RANBP9: variants seen among roughly 807,000 people sequenced by gnomAD.
RANBP9 encodes ran-binding protein 9.
In RANBP9, 15 loss-of-function variants were observed where a neutral mutation model predicts 84.3. The ratio of observed to expected loss-of-function variants is 0.18; its 90% CI spans 0.12 to 0.27. The LOEUF is 0.27. Among genes scored for constraint, RANBP9 ranks in the 10% least tolerant of loss-of-function variants. The probability of loss-of-function intolerance (pLI) is 1.00; values close to 1 mark genes in which losing one functional copy is unlikely to be tolerated. For missense variants in RANBP9, 809 were observed against 912.8 expected, an observed-to-expected ratio of 0.89 and a Z score of 1.46; for synonymous variants, 392 against 349.6, an observed-to-expected ratio of 1.12 and a Z score of -1.35.
chr6:13,651,636 G>C (rs762685078), intron 5 of RANBP9, among the ~76,000 whole-genome samples: 22 of 151,722 alleles, frequency 1.5e-4, no homozygotes, highest in Non-Finnish European at 2.6e-4. Flanking sequence ...TCCTGACCTC[G>C]TGATCCGCCC....
chr6:13,644,745 T>C lies in RANBP9; in HGVS notation c.928-16A>G. The C allele has an allele frequency of 6.5e-7, 1 of 1,542,426 alleles. No individual in the cohort carries two copies. Among genetic ancestry groups the C allele is most frequent in the Non-Finnish European group, 8.8e-7 (1 of 1,142,364 alleles). ...ACAAATTTGGCTGTAAGATAGCATA[T>C]TTCATTAAACATCTATCCATTTTAT... On this transcript the variant is annotated splice_polypyrimidine_tract_variant and intron_variant, in intron 5 of 13. Coordinates refer to ENST00000011619, the MANE Select transcript of RANBP9 (RefSeq NM_005493.3).
chr6:13,637,392 TCA>T (rs1764963843), intron 10 of RANBP9, among the ~76,000 whole-genome samples: 1 of 152,034 alleles, frequency 6.6e-6, no homozygotes, highest in African/African-American at 2.4e-5. Flanking sequence ...CAAAAAAAAC[TCA>T]CACACAGAGA....
At chr6:13,654,831 G>T (rs1765365048) in intron 4 of RANBP9, among the ~76,000 whole-genome samples, 2 of 152,148 alleles carry the variant, frequency 1.3e-5, no homozygotes, top group Admixed American at 1.3e-4. Flanking sequence ...GCTCATCAAT[G>T]GTTTACCAGT....
chr6:13,664,969 G>A (rs1037041687), intron 2 of RANBP9, among the ~76,000 whole-genome samples: 2 of 152,084 alleles, frequency 1.3e-5, no homozygotes, highest in African/African-American at 4.8e-5. Context: ...CACATTTATA[G>A]TCATTTAATA....
At chr6:13,681,273 G>A (rs76259737) in intron 2 of RANBP9, among the ~76,000 whole-genome samples, 1 of 152,122 alleles carries the variant, frequency 6.6e-6, no homozygotes, top group African/African-American at 2.4e-5. Flanking sequence ...TGGGAGGAGG[G>A]TTTGAGATAA....
chr6:13,627,412 T>C (rs1764638133), intron 12 of RANBP9, among the ~76,000 whole-genome samples: 1 of 151,970 alleles, frequency 6.6e-6, no homozygotes, highest in Non-Finnish European at 1.5e-5. Flanking sequence ...GGCAGATCAT[T>C]TGAGGCCAGG....
intron 1 of RANBP9, among the ~76,000 whole-genome samples, chr6:13,710,631 G>A (rs1385163619): frequency 6.6e-6 from 1 of 152,220 alleles, no homozygotes; most frequent in Non-Finnish European, 1.5e-5. Context: ...AGGGAAATCA[G>A]AAAGCCAGTT....
At chr6:13,627,430 G>A (rs999890475) in intron 12 of RANBP9, among the ~76,000 whole-genome samples, 10 of 151,976 alleles carry the variant, frequency 6.6e-5, no homozygotes, top group Non-Finnish European at 1.3e-4. Flanking sequence ...AGGAGTTCAA[G>A]ACCAACCTAG....
intron 1 of RANBP9, among the ~76,000 whole-genome samples, chr6:13,698,532 G>C (rs190432409): frequency 9.9e-5 from 15 of 152,218 alleles, no homozygotes; most frequent in Non-Finnish European, 1.8e-4. Context: ...TAAATCTATA[G>C]AAAACTATCT....
intron 9 of RANBP9, among the ~76,000 whole-genome samples, 168 bp from the exon 10 acceptor site, chr6:13,638,123 T>C (rs1052515645): frequency 6.6e-6 from 1 of 152,218 alleles, no homozygotes; most frequent in African/African-American, 2.4e-5. Flanking sequence ...TACTTAATTG[T>C]GAGATCTTAA....
chr6:13,689,745 TA>T (rs1230798684), intron 2 of RANBP9, among the ~76,000 whole-genome samples: 1 of 152,226 alleles, frequency 6.6e-6, no homozygotes, highest in East Asian at 1.9e-4. Flanking sequence ...ACTCATTTTG[TA>T]AGGTCTACCA....
chr6:13,684,130 C>G (rs1766111077), intron 2 of RANBP9, among the ~76,000 whole-genome samples: 1 of 152,194 alleles, frequency 6.6e-6, no homozygotes, highest in Non-Finnish European at 1.5e-5. Context: ...CTACCCACCT[C>G]TACTTAGTTA....
At chr6:13,695,641 G>A (rs1766428834) in intron 2 of RANBP9, among the ~76,000 whole-genome samples, 1 of 152,050 alleles carries the variant, frequency 6.6e-6, no homozygotes, top group African/African-American at 2.4e-5. Context: ...CTTGTAAAGT[G>A]AGAAATGGTG....
intron 2 of RANBP9, among the ~76,000 whole-genome samples, 180 bp from the exon 3 acceptor site, chr6:13,659,012 T>A (rs972606280): frequency 6.6e-6 from 1 of 152,054 alleles, no homozygotes; most frequent in African/African-American, 2.4e-5. Flanking sequence ...GTACCAGTAA[T>A]ACTCAGACTT....
At chr6:13,628,970 A>G (rs11962124) in intron 12 of RANBP9, among the ~76,000 whole-genome samples, 1 of 141,592 alleles carries the variant, frequency 7.1e-6, no homozygotes, top group East Asian at 2.4e-4. Context: ...ACTTCTAGAA[A>G]TTTATCTCAG....
chr6:13,685,874 T>C (rs1474824340), intron 2 of RANBP9, among the ~76,000 whole-genome samples: 1 of 148,264 alleles, frequency 6.7e-6, no homozygotes, highest in Non-Finnish European at 1.5e-5. Context: ...GAGATTGCAG[T>C]AAGCCGAAAT....
intron 1 of RANBP9, among the ~76,000 whole-genome samples, chr6:13,703,246 A>G (rs991060122): frequency 1.3e-5 from 2 of 152,076 alleles, no homozygotes; most frequent in Admixed American, 6.5e-5. Context: ...TGCTCCCTCT[A>G]GTCTTTCAAT....
chr6:13,705,028 A>G (rs759674834), intron 1 of RANBP9, among the ~76,000 whole-genome samples: 9 of 152,240 alleles, frequency 5.9e-5, no homozygotes, highest in Non-Finnish European at 1.3e-4. Context: ...CCTAGCACAA[A>G]GTAAACATTC....
At chr6:13,702,095 T>C (rs1453927813) in intron 1 of RANBP9, among the ~76,000 whole-genome samples, 2 of 152,246 alleles carry the variant, frequency 1.3e-5, no homozygotes, top group African/African-American at 4.8e-5. Flanking sequence ...GTGCTACATA[T>C]AAATCATTGT....
Sources: gnomAD v4.1 joint callset for allele counts (sites outside exome capture counted in the v4.1 genomes callset) on GRCh38, gnomAD v4.1.1 for gene constraint, MANE v1.5 for transcripts, NCBI Gene and HGNC (gene_info 2026-07-23, HGNC 2026-07-21) for gene names.